NGEF: variants seen among roughly 807,000 people sequenced by gnomAD.
NGEF encodes the protein neuronal guanine nucleotide exchange factor.
A neutral mutation model predicts 80.9 loss-of-function variants in NGEF; 31 were observed. That is an observed-to-expected ratio of 0.38 (90% confidence interval 0.29 to 0.52). The LOEUF is 0.52. Ranked by LOEUF, NGEF falls within the 20% of genes least tolerant of loss-of-function variation. The pLI is 0.84. For missense variants in NGEF, 709 were observed against 926.2 expected (o/e 0.77, Z 3.04); for synonymous variants, 371 against 370.2 (o/e 1.00, Z -0.03).
At chr2:232,970,099 A>G in intron 3 of NGEF, 115 bp downstream of exon 3, 1 of 487,712 alleles carries the variant, frequency 2.1e-6, no homozygotes. Context: ...GGCAACCAAA[A>G]GTTATTATTA....
intron 1 of NGEF, among the ~76,000 whole-genome samples, chr2:233,006,576 A>T (rs1482969322): frequency 6.6e-6 from 1 of 152,230 alleles, no homozygotes; most frequent in Admixed American, 6.5e-5. Context: ...TCAATCCTCT[A>T]ACTATGTGCA....
At chr2:232,941,054 G>C (rs1693428191) in intron 3 of NGEF, among the ~76,000 whole-genome samples, 1 of 152,014 alleles carries the variant, frequency 6.6e-6, no homozygotes, top group Non-Finnish European at 1.5e-5. Context: ...TCAGGGAGCA[G>C]AGTTTTTAAG....
At chr2:232,922,520 C>T (rs1692967695) in intron 4 of NGEF, among the ~76,000 whole-genome samples, 1 of 152,190 alleles carries the variant, frequency 6.6e-6, no homozygotes, top group Non-Finnish European at 1.5e-5. Flanking sequence ...CAACTCTAAG[C>T]TAAATGCAAC....
At chr2:233,008,267 G>C (rs1342820077) in intron 1 of NGEF, among the ~76,000 whole-genome samples, 2 of 152,220 alleles carry the variant, frequency 1.3e-5, no homozygotes, top group Non-Finnish European at 2.9e-5. Flanking sequence ...AAAGGGTATG[G>C]AGGCAGTTGT....
chr2:232,917,082 A>T (rs749659735), intron 5 of NGEF, among the ~76,000 whole-genome samples: 1 of 152,250 alleles, frequency 6.6e-6, no homozygotes, highest in Non-Finnish European at 1.5e-5. Flanking sequence ...ATGCAGTTGT[A>T]TCATTTAATG....
intron 2 of NGEF, among the ~76,000 whole-genome samples, chr2:232,971,166 C>T (rs1694175867): frequency 6.6e-6 from 1 of 152,182 alleles, no homozygotes; most frequent in Non-Finnish European, 1.5e-5. Context: ...ACCTTCCAGA[C>T]CCAAATCACA....
intron 12 of NGEF, 95 bp downstream of exon 12, chr2:232,883,216 G>T: frequency 7.0e-7 from 1 of 1,420,040 alleles, no homozygotes; most frequent in Non-Finnish European, 9.5e-7. Context: ...AGCGTGTGTG[G>T]TGCCTTGTTC....
chr2:232,909,924 A>G (rs1224116716), intron 5 of NGEF, among the ~76,000 whole-genome samples: 3 of 152,258 alleles, frequency 2.0e-5, no homozygotes, highest in African/African-American at 7.2e-5. Flanking sequence ...AGAAACATCG[A>G]TGCTGTCGCA....
chr2:232,947,573 C>G (rs1210739825), intron 3 of NGEF, among the ~76,000 whole-genome samples: 1 of 152,202 alleles, frequency 6.6e-6, no homozygotes, highest in Non-Finnish European at 1.5e-5. Flanking sequence ...CTCACACACT[C>G]TCCCTCACCT....
chr2:232,917,064 T>C (rs1692819409), intron 5 of NGEF, among the ~76,000 whole-genome samples: 1 of 152,216 alleles, frequency 6.6e-6, no homozygotes, highest in Non-Finnish European at 1.5e-5. Context: ...AAGCCAGTGG[T>C]ACCTGTGATG....
intron 1 of NGEF, among the ~76,000 whole-genome samples, chr2:232,981,114 G>A (rs537277228): frequency 2.2e-5 from 3 of 133,430 alleles, no homozygotes; most frequent in Non-Finnish European, 4.9e-5. Flanking sequence ...GAGAAAGGAG[G>A]ATGTCTCCTC....
chr2:232,926,899 C>T (rs1274726740), intron 4 of NGEF, 145 bp downstream of exon 4: 2 of 1,058,266 alleles, frequency 1.9e-6, no homozygotes, highest in Non-Finnish European at 2.8e-6. Context: ...CATTTAGAGC[C>T]AAACATGTCA....
intron 12 of NGEF, 80 bp from the exon 13 acceptor site, chr2:232,882,345 G>C (rs566628268): frequency 7.9e-7 from 1 of 1,272,510 alleles, no homozygotes; most frequent in African/African-American, 1.5e-5. Flanking sequence ...TTCCCAGCTA[G>C]CTGCCCCTCG....
chr2:233,008,600 C>G (rs1695137777), intron 1 of NGEF, among the ~76,000 whole-genome samples: 1 of 152,200 alleles, frequency 6.6e-6, no homozygotes, highest in Non-Finnish European at 1.5e-5. Context: ...GTCACTGCCT[C>G]TGTGGTTCCC....
intron 3 of NGEF, among the ~76,000 whole-genome samples, chr2:232,947,946 A>G (rs1693594400): frequency 6.6e-6 from 1 of 152,230 alleles, no homozygotes; most frequent in African/African-American, 2.4e-5. Context: ...AAAAAAACGT[A>G]TTGACACATA....
At chr2:232,933,378 G>A (rs1371587035) in intron 3 of NGEF, among the ~76,000 whole-genome samples, 1 of 152,038 alleles carries the variant, frequency 6.6e-6, no homozygotes, top group African/African-American at 2.4e-5. Flanking sequence ...TTGGGCGCTG[G>A]CCTCCGTGTC....
At chr2:232,887,977 G>T in intron 9 of NGEF, 56 bp downstream of exon 9, 1 of 1,347,286 alleles carries the variant, frequency 7.4e-7, no homozygotes, top group Non-Finnish European at 1.1e-6. Flanking sequence ...GGAAAGGTGT[G>T]CCTGGATGAG....
intron 3 of NGEF, among the ~76,000 whole-genome samples, chr2:232,936,300 G>T (rs1011505133): frequency 6.6e-6 from 1 of 152,202 alleles, no homozygotes; most frequent in African/African-American, 2.4e-5. Context: ...ATTGTATCAC[G>T]TTATGGAAAT....
chr2:232,898,273 G>A (rs1429789027), intron 5 of NGEF, among the ~76,000 whole-genome samples: 1 of 152,228 alleles, frequency 6.6e-6, no homozygotes, highest in East Asian at 1.9e-4. Flanking sequence ...TAAACCACAT[G>A]GCCCTGAAGG....
Sources: allele counts gnomAD v4.1 joint callset (sites outside exome capture counted in the v4.1 genomes callset), GRCh38; gene constraint gnomAD v4.1.1; transcripts MANE v1.5; gene names NCBI Gene and HGNC (gene_info 2026-07-23, HGNC 2026-07-21).